RRM2: variants seen among roughly 807,000 people sequenced by gnomAD.
RRM2 encodes the protein ribonucleoside-diphosphate reductase subunit M2.
RRM2 carries 6 observed loss-of-function variants against 45.9 expected under a neutral mutation model. The observed-to-expected ratio is 0.13, with a 90% CI of 0.07 to 0.26. The LOEUF (loss-of-function observed/expected upper bound fraction) is 0.26. Among genes scored for constraint, RRM2 ranks in the 10% least tolerant of loss-of-function variants. The pLI is 1.00. For synonymous variants in RRM2, 177 were observed against 173.0 expected, an observed-to-expected ratio of 1.02 and a Z score of -0.18; for missense variants, 343 against 489.5, an observed-to-expected ratio of 0.70 and a Z score of 2.82.
chr2:10,138,258 C>G (rs951923342), upstream of RRM2, among the ~76,000 whole-genome samples: 1 of 151,854 alleles, frequency 6.6e-6, no homozygotes, highest in Admixed American at 6.6e-5. Flanking sequence ...ATCTCTGCCT[C>G]CCGGGTTCAA....
At chr2:10,154,128 C>A (rs1021154102) in intron 3 of RRM2, among the ~76,000 whole-genome samples, 2 of 152,154 alleles carry the variant, frequency 1.3e-5, no homozygotes, top group African/African-American at 4.8e-5. Flanking sequence ...CTAAGTTCCC[C>A]AGTGATGAAC....
chr2:10,139,089 C>G (rs572747152), upstream of RRM2, among the ~76,000 whole-genome samples: 11 of 152,258 alleles, frequency 7.2e-5, no homozygotes, highest in South Asian at 2.3e-3. Flanking sequence ...GCCTGGGTGA[C>G]AGAGTGAGAC....
chr2:10,168,043 T>G (rs1420631623), intron 3 of RRM2, among the ~76,000 whole-genome samples: 1 of 151,396 alleles, frequency 6.6e-6, no homozygotes, highest in Non-Finnish European at 1.5e-5. Context: ...TCTGTTTTTT[T>G]TTTTTTTTTG....
chr2:10,124,884 G>A (rs1249012418), intron 5 of RRM2, 34 bp downstream of exon 5: 7 of 1,571,456 alleles, frequency 4.5e-6, no homozygotes, highest in Non-Finnish European at 6.1e-6. Flanking sequence ...AGATTTTTAG[G>A]ACTCACTAAT....
rs1664648458 is a variant in RRM2 at position 10,205,658 on chromosome 2, A to G, written n.483-4653A>G. 6.6e-6 allele frequency among the ~76,000 whole-genome samples: 1 copy of G among 152,038 alleles called. No individual in the cohort carries two copies. Among genetic ancestry groups the G allele is most frequent in the Non-Finnish European group, 1.5e-5 (1 of 67,982 alleles). ...GATGCTGGATGGAAAACAAACACAC[A>G]GTTTGAGAGGGTCCTTTTTATTTTT... On this transcript the variant is annotated intron_variant and non_coding_transcript_variant, in intron 3 of 3. Transcript: ENST00000381786. The surrounding 1 kb of genome is among the most constrained non-coding windows in gnomAD (Gnocchi z 4.8).
chr2:10,200,644 C>G (rs6746512), intron 3 of RRM2, among the ~76,000 whole-genome samples: 995 of 29,984 alleles, frequency 0.033, 185 homozygotes, highest in African/African-American at 0.092. Flanking sequence ...GGCCCACAGG[C>G]ACCGCGCACA....
At chr2:10,162,180 C>T (rs948183512) in intron 3 of RRM2, among the ~76,000 whole-genome samples, 1 of 152,152 alleles carries the variant, frequency 6.6e-6, no homozygotes, top group East Asian at 1.9e-4. Context: ...GCACGGGATG[C>T]CCGGGTGCAC....
chr2:10,174,879 A>AAG (rs1189156247), intron 3 of RRM2, among the ~76,000 whole-genome samples: 2 of 151,846 alleles, frequency 1.3e-5, no homozygotes, highest in Non-Finnish European at 2.9e-5. Context: ...TTAAAAAAAA[A>AAG]AAAAGAAAAA....
chr2:10,142,282 C>T, exon 3 of RRM2: 1 of 1,430,194 alleles, frequency 7.0e-7, no homozygotes, highest in African/African-American at 1.4e-5. Flanking sequence ...AAGGTCTGAC[C>T]AGCCTTACGT....
At chr2:10,162,195 G>A (rs1306428163) in intron 3 of RRM2, among the ~76,000 whole-genome samples, 1 of 152,174 alleles carries the variant, frequency 6.6e-6, no homozygotes, top group Non-Finnish European at 1.5e-5. Context: ...GTGCACAGAG[G>A]GGAGGAGACA....
At chr2:10,207,207 C>T (rs1311020974) in intron 3 of RRM2, among the ~76,000 whole-genome samples, 1 of 152,180 alleles carries the variant, frequency 6.6e-6, no homozygotes, top group African/African-American at 2.4e-5. Context: ...CCTCACCTCC[C>T]CCATATCCAG....
intron 3 of RRM2, among the ~76,000 whole-genome samples, chr2:10,177,704 TTC>T (rs1558398460): frequency 4.1e-5 from 6 of 147,068 alleles, no homozygotes; most frequent in East Asian, 2.0e-4. Flanking sequence ...CCTTCCTTCC[TTC>T]CTCTCTCCCT....
intron 3 of RRM2, among the ~76,000 whole-genome samples, chr2:10,202,322 G>A (rs1664582167): frequency 6.6e-6 from 1 of 152,182 alleles, no homozygotes; most frequent in Non-Finnish European, 1.5e-5. Context: ...TTGCATGTAA[G>A]GACAGTGGCT....
At chr2:10,184,403 C>A (rs1028042612) in intron 3 of RRM2, among the ~76,000 whole-genome samples, 2 of 152,226 alleles carry the variant, frequency 1.3e-5, no homozygotes, top group African/African-American at 2.4e-5. Context: ...GTGGGGGGAC[C>A]AACTTGGCTC....
At chr2:10,166,326 C>G (rs1316604562) in intron 3 of RRM2, among the ~76,000 whole-genome samples, 2 of 152,206 alleles carry the variant, frequency 1.3e-5, no homozygotes, top group African/African-American at 2.4e-5. Context: ...GCCCACAGCC[C>G]TTCTCCCGGG....
rs532815964 is a variant in RRM2, at chr2:10,126,162, T to TAA, written c.570-684_570-683dup. On this transcript the variant is annotated intron_variant, in intron 5 of 9. Transcript: ENST00000304567. ...CAACAGAGTGAGACCCTCATCTCTT[T>TAA]AAAAAAAAAAAAAAAAAAAAAAAAA... Among the ~76,000 whole-genome samples the TAA allele has an allele frequency of 9.0e-4, 80 of 89,358 alleles. 2 individuals are homozygous for TAA. Among genetic ancestry groups the TAA allele is most frequent in the Non-Finnish European group, 1.3e-3 (65 of 51,328 alleles). 58.6% of individuals were successfully genotyped at this position (89,358 alleles called of 152,430 possible).
intron 3 of RRM2, among the ~76,000 whole-genome samples, chr2:10,161,648 ACATACACTCACACT>A (rs1663557544): frequency 6.6e-6 from 1 of 151,530 alleles, no homozygotes; most frequent in Non-Finnish European, 1.5e-5. Context: ...ATGCACTCAC[ACATACACTCACACT>A]CATGCACACA....
downstream of RRM2, among the ~76,000 whole-genome samples, chr2:10,132,528 C>T (rs1015846601): frequency 6.6e-6 from 1 of 152,138 alleles, no homozygotes; most frequent in Admixed American, 6.5e-5. Context: ...AGAAAGTTGT[C>T]TTTGAGGGCA....
At chr2:10,192,388 C>T (rs941665580) in intron 3 of RRM2, among the ~76,000 whole-genome samples, 5 of 152,196 alleles carry the variant, frequency 3.3e-5, no homozygotes, top group Admixed American at 6.5e-5. Context: ...CTTCTCCAAC[C>T]GTGGTGACTC....
Sources: allele counts gnomAD v4.1 joint callset (sites outside exome capture counted in the v4.1 genomes callset), GRCh38; gene constraint gnomAD v4.1.1; non-coding constraint Gnocchi (gnomAD v3.1); transcripts MANE v1.5; gene names NCBI Gene and HGNC (gene_info 2026-07-23, HGNC 2026-07-21).